TRIM33: variants seen among roughly 807,000 people sequenced by gnomAD.
The protein encoded by TRIM33 is tripartite motif containing 33.
TRIM33 carries 20 observed loss-of-function variants against 125.4 expected under a neutral mutation model. The ratio of observed to expected loss-of-function variants is 0.16; its 90% CI spans 0.11 to 0.23. TRIM33 has a LOEUF of 0.23. TRIM33 is among the 10% of genes least tolerant of loss of function. The pLI, the probability that TRIM33 is intolerant of heterozygous loss-of-function variation, is 1.00. For missense variants in TRIM33, 920 were observed against 1,411.4 expected (o/e 0.65, Z 5.58); for synonymous variants, 564 against 513.9 (o/e 1.10, Z -1.32).
chr1:114,464,678 G>C (rs1056612468), intron 1 of TRIM33, among the ~76,000 whole-genome samples: 1 of 152,196 alleles, frequency 6.6e-6, no homozygotes, highest in Non-Finnish European at 1.5e-5. Flanking sequence ...CGGAAACTAT[G>C]AATATTAATT....
At chr1:114,414,795 T>C (rs1652823564) in intron 11 of TRIM33, among the ~76,000 whole-genome samples, 1 of 152,172 alleles carries the variant, frequency 6.6e-6, no homozygotes, top group East Asian at 1.9e-4. Flanking sequence ...CTTGGATGAA[T>C]GCTTATAATT....
chr1:114,397,607 G>GTTTTTTTTTTTTTT lies in TRIM33; in HGVS notation c.*40_*41insAAAAAAAAAAAAAA, dbSNP rs370757901. ...TTTTTGTGTTTTTTTTTTTTTTTTC[G>GTTTTTTTTTTTTTT]TTTTTTTTTTTTTAAACAATTGATT... On this transcript the variant is annotated 3_prime_UTR_variant, in exon 20 of 20. Coordinates refer to ENST00000358465, the MANE Select transcript of TRIM33 (RefSeq NM_015906.4). 5.7e-6 allele frequency: 3 copies of GTTTTTTTTTTTTTT among 527,366 alleles called. No individual in the cohort carries two copies. Among genetic ancestry groups the GTTTTTTTTTTTTTT allele is most frequent in the Admixed American group, 5.0e-5 (1 of 20,106 alleles). 32.7% of individuals were successfully genotyped at this position (527,366 alleles called of 1,614,324 possible).
chr1:114,442,481 G>A (rs1263326604), intron 4 of TRIM33, among the ~76,000 whole-genome samples: 1 of 152,054 alleles, frequency 6.6e-6, no homozygotes, highest in Non-Finnish European at 1.5e-5. Context: ...CCTGAGGTCA[G>A]GAGTTTGAGA....
chr1:114,429,008 A>G (rs1647768676), intron 6 of TRIM33, among the ~76,000 whole-genome samples: 1 of 152,168 alleles, frequency 6.6e-6, no homozygotes, highest in African/African-American at 2.4e-5. Context: ...GGTTTTACAA[A>G]TACTATTTTA....
chr1:114,452,384 C>G (rs1008178434), intron 4 of TRIM33, among the ~76,000 whole-genome samples: 1 of 151,998 alleles, frequency 6.6e-6, no homozygotes, highest in South Asian at 2.1e-4. Context: ...CGCTTGAAAC[C>G]GGGAGGCGGA....
At chr1:114,430,354 C>T (rs140578438) in intron 6 of TRIM33, among the ~76,000 whole-genome samples, 1,932 of 152,236 alleles carry the variant, frequency 0.013, 61 homozygotes, top group Admixed American at 0.075. Flanking sequence ...AGTCGATCCT[C>T]CCACCTCAGT....
At chr1:114,493,759 C>T (rs11811686) in intron 1 of TRIM33, among the ~76,000 whole-genome samples, 5,757 of 152,188 alleles carry the variant, frequency 0.038, 388 homozygotes, top group African/African-American at 0.13. Flanking sequence ...GCAGCCTCAA[C>T]CTCCCCAGGT....
At chr1:114,432,568 C>T (rs776796728) in intron 5 of TRIM33, among the ~76,000 whole-genome samples, 16 of 152,158 alleles carry the variant, frequency 1.1e-4, no homozygotes, top group Non-Finnish European at 1.9e-4. Flanking sequence ...AGGCGGATCA[C>T]GAGGTCAGGA....
intron 4 of TRIM33, among the ~76,000 whole-genome samples, chr1:114,441,889 T>C (rs1293006598): frequency 2.6e-5 from 4 of 152,234 alleles, no homozygotes; most frequent in African/African-American, 4.8e-5. Flanking sequence ...AACTGACTCA[T>C]TGAACCTATG....
intron 1 of TRIM33, among the ~76,000 whole-genome samples, chr1:114,488,947 A>C (rs895822947): frequency 6.6e-6 from 1 of 152,142 alleles, no homozygotes; most frequent in Non-Finnish European, 1.5e-5. Flanking sequence ...CAGCTGGGGA[A>C]GGTGAGGTGG....
In TRIM33 at chr1:114,405,610, G is replaced by A. The variant is rs779462018; in HGVS notation, c.2568C>T (p.Ser856=). The A allele has an allele frequency of 6.2e-7, 1 of 1,614,160 alleles. No homozygotes were observed. Among genetic ancestry groups the A allele is most frequent in the Non-Finnish European group, 8.5e-7 (1 of 1,180,038 alleles). ...GAATTGGGGACTTTCCATTAACAAG[G>A]CTGCTGAGCCCTGACTGTTTGCAGC... ...NESCKQSGLS[S]LVNGKSPIRS... is the part of the protein sequence containing the mutation. Residue 856 remains serine, a synonymous_variant, in exon 15 of 20, where the codon AGC becomes AGT. Coordinates refer to ENST00000358465, the MANE Select transcript of TRIM33 (RefSeq NM_015906.4).
intron 4 of TRIM33, among the ~76,000 whole-genome samples, chr1:114,453,065 T>C (rs1299493658): frequency 6.6e-6 from 1 of 151,924 alleles, no homozygotes; most frequent in Non-Finnish European, 1.5e-5. Context: ...AAAGCGTTAG[T>C]TAAGACACAC....
chr1:114,427,873 T>A lies in TRIM33; in HGVS notation c.1177A>T (p.Met393Leu), dbSNP rs1301056739. The change falls in exon 7 of 20, where the codon ATG (methionine) becomes TTG (leucine). Residue 393 changes from methionine to leucine, a missense_variant. Met to Leu is a conservative substitution (Grantham distance 15, BLOSUM62 2). Transcript: ENST00000358465. ...TCATTCTGCTGCTGTAGTAACTTCATCTGTCTTTCCTTTGTAACATTCTGA... is the reference window on the plus strand; with the variant it reads ...TCATTCTGCTGCTGTAGTAACTTCAACTGTCTTTCCTTTGTAACATTCTGA... The part of the protein sequence containing the change: ...QLENVTKERQ[M>L]KLLQQQNDIT... 1 of 1,614,132 alleles carries A rather than the reference T, an allele frequency of 6.2e-7. No homozygotes were observed. The highest frequency in any genetic ancestry group is 1.1e-5 in the South Asian group (1 of 91,084).
At position 114,511,033 on chromosome 1, in the gene TRIM33, CCGCCGCCGCTCTCAGCCT is replaced by C; in HGVS notation, c.26_43del (p.Glu9_Gly14del). 1 of 1,319,172 alleles carries C rather than the reference CCGCCGCCGCTCTCAGCCT, an allele frequency of 7.6e-7. No homozygotes were observed. The highest frequency in any genetic ancestry group is 9.7e-7 in the Non-Finnish European group (1 of 1,032,980). 81.7% of individuals were successfully genotyped at this position (1,319,172 alleles called of 1,614,324 possible). A position where few individuals can be genotyped will look rare whatever the true frequency, so the allele number is the denominator to read the frequency against. ...AGTTACCGGCGCGCTGCCGCTGCCCCCGCCGCCGCTCTCAGCCTCGCCGCCGCCTTTGTTTTCCGCCAT... is the reference window on the plus strand; with the variant it reads ...AGTTACCGGCGCGCTGCCGCTGCCCCCGCCGCCGCCTTTGTTTTCCGCCAT... On this transcript the variant is annotated inframe_deletion, in exon 1 of 20. Coordinates refer to ENST00000358465, the MANE Select transcript of TRIM33 (RefSeq NM_015906.4).
chr1:114,393,749 A>G lies in TRIM33; in HGVS notation c.*3899T>C, dbSNP rs1651402603. On this transcript the variant is annotated 3_prime_UTR_variant, in exon 20 of 20. Coordinates refer to ENST00000358465, the MANE Select transcript of TRIM33 (RefSeq NM_015906.4). ...TATAAATTTTTTTCCTTAAAAAAGT[A>G]CCTTCAATTTTTTTACTCAAACACT... The G allele has an allele frequency of 4.8e-6, 1 of 209,576 alleles. No homozygotes were observed. The highest frequency in any genetic ancestry group is 9.7e-6 in the Non-Finnish European group (1 of 102,952). 13.0% of individuals were successfully genotyped at this position (209,576 alleles called of 1,614,324 possible).
At chr1:114,422,380 T>G (rs1257242882) in intron 10 of TRIM33, among the ~76,000 whole-genome samples, 1 of 152,192 alleles carries the variant, frequency 6.6e-6, no homozygotes, top group East Asian at 1.9e-4. Flanking sequence ...AAGGTGTACT[T>G]GGCCCCTAGA....
At chr1:114,442,497 C>T (rs546512333) in intron 4 of TRIM33, among the ~76,000 whole-genome samples, 1 of 152,024 alleles carries the variant, frequency 6.6e-6, no homozygotes, top group Non-Finnish European at 1.5e-5. Flanking sequence ...TGAGACCAGC[C>T]TGGCCAATAT....
In TRIM33 at chr1:114,393,504, T is replaced by C. The variant is rs1407692256; in HGVS notation, c.*4144A>G. ...TCTAGAAAAGGGCTAAACTTAACTT[T>C]GTACACTTTGTAGTTTGATATGACA... is the stretch of plus-strand genomic sequence containing the variant. On this transcript the variant is annotated 3_prime_UTR_variant, in exon 20 of 20. Coordinates refer to ENST00000358465, the MANE Select transcript of TRIM33 (RefSeq NM_015906.4). 1.0e-4 allele frequency: 20 copies of C among 200,438 alleles called. 1 individual carries two copies. In the East Asian group the frequency reaches 1.5e-3, roughly 15 times the overall value. 12.4% of individuals were successfully genotyped at this position (200,438 alleles called of 1,614,324 possible).
intron 1 of TRIM33, among the ~76,000 whole-genome samples, chr1:114,478,539 T>G (rs1651110907): frequency 6.6e-6 from 1 of 151,832 alleles, no homozygotes. Context: ...AAGAAAGCCC[T>G]GAAAAAACTA....
Sources: gnomAD v4.1 joint callset for allele counts (sites outside exome capture counted in the v4.1 genomes callset) on GRCh38, gnomAD v4.1.1 for gene constraint, MANE v1.5 for transcripts, NCBI Gene and HGNC (gene_info 2026-07-23, HGNC 2026-07-21) for gene names.